The following STAG1 variants were observed in gnomAD, a reference collection of about 807,000 sequenced individuals.
STAG1 encodes cohesin subunit SA-1.
STAG1 carries 26 observed loss-of-function variants against 170.9 expected under a neutral mutation model. The ratio of observed to expected loss-of-function variants is 0.15; its 90% confidence interval spans 0.11 to 0.21. The LOEUF (loss-of-function observed/expected upper bound fraction) is 0.21. Ranked by LOEUF, STAG1 falls within the 10% of genes least tolerant of loss-of-function variation. The pLI is 1.00. For synonymous variants in STAG1, 514 were observed against 497.7 expected, an observed-to-expected ratio of 1.03 and a Z score of -0.44; for missense variants, 964 against 1,509.5, an observed-to-expected ratio of 0.64 and a Z score of 5.99.
chr3:136,655,697 A>G (rs1941348666), intron 1 of STAG1, among the ~76,000 whole-genome samples: 1 of 152,124 alleles, frequency 6.6e-6, no homozygotes, highest in South Asian at 2.1e-4. Flanking sequence ...CAGGAGGCAG[A>G]GGTCACAGTG....
intron 1 of STAG1, chr3:136,736,619 A>G: frequency 1.3e-6 from 2 of 1,599,390 alleles, no homozygotes; most frequent in Non-Finnish European, 1.7e-6. Context: ...GACTTTCCTC[A>G]AAGTTTTTCT....
In STAG1 at chr3:136,401,046, T is replaced by A. The variant is rs548879470; in HGVS notation, c.2197-2217A>T. On this transcript the variant is annotated intron_variant, in intron 21 of 33. Transcript: ENST00000383202. ...AGAAGGTATAGTTTAATAACCTCTG[T>A]AGACAACATGAATATTCCTTGCTAT... 4.6e-5 allele frequency among the ~76,000 whole-genome samples: 7 copies of A among 152,316 alleles called. No individual in the cohort carries two copies. The South Asian group carries it at 1.4e-3, about 32-fold the overall frequency.
At chr3:136,373,224 T>A (rs1937442295) in intron 23 of STAG1, among the ~76,000 whole-genome samples, 1 of 152,236 alleles carries the variant, frequency 6.6e-6, no homozygotes, top group African/African-American at 2.4e-5. Flanking sequence ...TTGCGTCTAT[T>A]TGATTCTTCT....
In STAG1 at chr3:136,702,075, A is replaced by AAGAGAG. The variant is rs745623191; in HGVS notation, c.-84+50114_-84+50119dup. Among the ~76,000 whole-genome samples, 602 of 92,144 alleles carry AAGAGAG rather than the reference A, an allele frequency of 6.5e-3. 6 individuals are homozygous for AAGAGAG. The highest frequency in any genetic ancestry group is 9.0e-3 in the East Asian group (28 of 3,126). The allele number at this position is 92,144 out of a possible 152,430, so 60.5% of individuals were successfully genotyped here. On this transcript the variant is annotated intron_variant, in intron 1 of 33. Coordinates refer to ENST00000383202, the MANE Select transcript of STAG1 (RefSeq NM_005862.3). Reference sequence around the variant, plus strand: ...CTACAGGCATGCACCACCATGCCGAAAGAGAGAGAGAGAGAGAGAGAGAGA... The same window carrying AAGAGAG: ...CTACAGGCATGCACCACCATGCCGAAAGAGAGAGAGAGAGAGAGAGAGAGAGAGAGA...
intron 13 of STAG1, 55 bp downstream of exon 13, chr3:136,464,826 C>T (rs936407364): frequency 1.4e-6 from 2 of 1,453,026 alleles, no homozygotes; most frequent in Middle Eastern, 1.7e-4. Flanking sequence ...AACTCTAAAA[C>T]AACAAGAAAA....
chr3:136,516,841 G>C (rs916977161), intron 7 of STAG1, among the ~76,000 whole-genome samples: 6 of 152,240 alleles, frequency 3.9e-5, no homozygotes, highest in Non-Finnish European at 7.4e-5. Flanking sequence ...GTTATGTTAA[G>C]GACTTGTCCA....
chr3:136,379,026 C>T (rs1338699806), intron 22 of STAG1, among the ~76,000 whole-genome samples: 1 of 152,166 alleles, frequency 6.6e-6, no homozygotes, highest in African/African-American at 2.4e-5. Flanking sequence ...AAAAATTACA[C>T]ACATATTTTC....
At chr3:136,519,290 A>G (rs1301212880) in intron 7 of STAG1, among the ~76,000 whole-genome samples, 1 of 152,132 alleles carries the variant, frequency 6.6e-6, no homozygotes, top group Non-Finnish European at 1.5e-5. Context: ...GATTAAAGAA[A>G]AGTAGCTTGC....
chr3:136,661,707 T>C (rs976795561), intron 1 of STAG1, among the ~76,000 whole-genome samples: 2 of 152,138 alleles, frequency 1.3e-5, no homozygotes, highest in African/African-American at 2.4e-5. Flanking sequence ...CAAAATCAAA[T>C]ACTGAATTCA....
chr3:136,417,434 C>G (rs1002326572), intron 21 of STAG1: 1 of 153,326 alleles, frequency 6.5e-6, no homozygotes, highest in Non-Finnish European at 1.5e-5. Context: ...CCCTTCTACT[C>G]TAACTTGTAT....
chr3:136,505,792 T>C (rs993679847), intron 7 of STAG1, among the ~76,000 whole-genome samples: 4 of 152,176 alleles, frequency 2.6e-5, no homozygotes, highest in Non-Finnish European at 4.4e-5. Context: ...CTATTTTAGA[T>C]GGTCATTTGG....
At chr3:136,589,880 G>T (rs966579009) in intron 4 of STAG1, among the ~76,000 whole-genome samples, 1 of 147,870 alleles carries the variant, frequency 6.8e-6, no homozygotes, top group Non-Finnish European at 1.5e-5. Context: ...GCAGTGAACC[G>T]AGATCGAGCC....
chr3:136,341,607 G>A, intron 30 of STAG1, 56 bp from the exon 31 acceptor site: 3 of 1,211,244 alleles, frequency 2.5e-6, no homozygotes, highest in Non-Finnish European at 3.6e-6. Flanking sequence ...TTTAGCTAAT[G>A]AGCCCCAAGC....
In STAG1 at chr3:136,337,895, T is replaced by A. The variant is rs902457880; in HGVS notation, c.*359A>T. 22 of 188,736 alleles carry A rather than the reference T, an allele frequency of 1.2e-4. No homozygotes were observed. The highest frequency in any genetic ancestry group is 2.6e-4 in the East Asian group (2 of 7,660). The allele number at this position is 188,736 out of a possible 1,614,324, so 11.7% of individuals were successfully genotyped here. ...ATAAAGTTAAAAATATGTTTTTTTT[T>A]ACTCAATGTTGAGTTTTCATAAAAC... On this transcript the variant is annotated 3_prime_UTR_variant, in exon 34 of 34. Coordinates refer to ENST00000383202, the MANE Select transcript of STAG1 (RefSeq NM_005862.3).
At chr3:136,659,315 A>C (rs1414042037) in intron 1 of STAG1, among the ~76,000 whole-genome samples, 2 of 152,216 alleles carry the variant, frequency 1.3e-5, no homozygotes, top group African/African-American at 4.8e-5. Flanking sequence ...CAGTAATATA[A>C]GTGTTAAATT....
intron 14 of STAG1, among the ~76,000 whole-genome samples, chr3:136,446,124 C>CTATT (rs2088770087): frequency 6.6e-6 from 1 of 152,050 alleles, no homozygotes; most frequent in Admixed American, 6.6e-5. Flanking sequence ...AATCCTTAGC[C>CTATT]TATTTTTCAC....
intron 7 of STAG1, among the ~76,000 whole-genome samples, chr3:136,508,452 C>T (rs1933879578): frequency 6.6e-6 from 1 of 152,118 alleles, no homozygotes; most frequent in South Asian, 2.1e-4. Flanking sequence ...CTTTGTGAGG[C>T]AGAGGTGAAA....
intron 1 of STAG1, among the ~76,000 whole-genome samples, chr3:136,748,718 T>A (rs1398708374): frequency 1.3e-5 from 2 of 152,200 alleles, no homozygotes; most frequent in Non-Finnish European, 2.9e-5. Context: ...AGTAATTTTT[T>A]TAAATTTTTT....
chr3:136,386,266 G>A (rs1379561078), intron 22 of STAG1, among the ~76,000 whole-genome samples: 1 of 152,148 alleles, frequency 6.6e-6, no homozygotes, highest in East Asian at 1.9e-4. Context: ...TTGAACCCAG[G>A]AGGCGGAGGT....
Sources: allele counts gnomAD v4.1 joint callset (sites outside exome capture counted in the v4.1 genomes callset), GRCh38; gene constraint gnomAD v4.1.1; transcripts MANE v1.5; gene names NCBI Gene and HGNC (gene_info 2026-07-23, HGNC 2026-07-21).